The following PCED1B variants were observed in gnomAD, a reference collection of about 807,000 sequenced individuals.
PCED1B encodes the protein PC-esterase domain containing 1B.
For synonymous variants in PCED1B, 251 were observed against 246.1 expected, an observed-to-expected ratio of 1.02 and a Z score of -0.19; for missense variants, 573 against 573.9, an observed-to-expected ratio of 1.00 and a Z score of 0.02.
rs777395172 is a variant in PCED1B at position 47,235,503 on chromosome 12, T to G, written c.440T>G (p.Phe147Cys). ...TACCTGGAGAACCTGGAGAACCTGT[T>G]CCAGTGCCTGGGCCAGGTGCTGCCC... ...RSYLENLENL[F>C]QCLGQVLPES... is the part of the protein sequence containing the mutation. The change falls in exon 4 of 4, where the codon TTC becomes TGC. Residue 147 changes from phenylalanine (F) to cysteine (C), a missense_variant. Phe to Cys is a radical substitution (Grantham distance 205). Transcript: ENST00000546455. 1 of 1,613,116 alleles carries G rather than the reference T, an allele frequency of 6.2e-7. No individual in the cohort carries two copies. Among genetic ancestry groups the G allele is most frequent in the Non-Finnish European group, 8.5e-7 (1 of 1,179,388 alleles).
intron 2 of PCED1B, among the ~76,000 whole-genome samples, chr12:47,161,397 GT>G (rs1171565658): frequency 6.6e-6 from 1 of 152,148 alleles, no homozygotes; most frequent in East Asian, 1.9e-4. Flanking sequence ...GTGAGGGTAT[GT>G]TTCTGGGCTC....
rs1400328010 is a variant in PCED1B at position 47,178,846 on chromosome 12, G to A, written c.-525-37376G>A. ...CACGCCACTGCACTCCAGCCTGGGC[G>A]ACAGAGTGAGACTCCATCTCAAAAA... On this transcript the variant is annotated intron_variant, in intron 2 of 3. Coordinates refer to ENST00000546455, the MANE Select transcript of PCED1B (RefSeq NM_138371.3). Among the ~76,000 whole-genome samples, 6 of 132,844 alleles carry A rather than the reference G, an allele frequency of 4.5e-5. No individual in the cohort carries two copies. In the East Asian group the frequency reaches 1.4e-3, roughly 31 times the overall value. 87.2% of individuals were successfully genotyped at this position (132,844 alleles called of 152,430 possible). A position where few individuals can be genotyped will look rare whatever the true frequency, so the allele number is the denominator to read the frequency against.
At chr12:47,148,644 G>T (rs1338862571) in intron 2 of PCED1B, among the ~76,000 whole-genome samples, 1 of 152,186 alleles carries the variant, frequency 6.6e-6, no homozygotes, top group East Asian at 1.9e-4. Context: ...AAGGCCCAGA[G>T]AGCCATGTTT....
At chr12:47,214,449 C>T (rs1374478794) in intron 2 of PCED1B, among the ~76,000 whole-genome samples, 1 of 152,038 alleles carries the variant, frequency 6.6e-6, no homozygotes, top group Non-Finnish European at 1.5e-5. Flanking sequence ...ATGGCTTCCT[C>T]CCTACTTCTA....
intron 2 of PCED1B, among the ~76,000 whole-genome samples, chr12:47,152,699 G>C (rs896558308): frequency 6.6e-6 from 1 of 152,178 alleles, no homozygotes. Flanking sequence ...GGGAGTCCGA[G>C]GCAGGTGGAT....
intron 1 of PCED1B, among the ~76,000 whole-genome samples, chr12:47,101,294 A>G (rs1326408671): frequency 6.6e-6 from 1 of 152,140 alleles, no homozygotes; most frequent in Non-Finnish European, 1.5e-5. Context: ...AGTGGGCAAG[A>G]GCACTGGTCC....
At chr12:47,163,343 A>G (rs1039309444) in intron 2 of PCED1B, among the ~76,000 whole-genome samples, 84 of 152,350 alleles carry the variant, frequency 5.5e-4, no homozygotes, top group African/African-American at 1.6e-3. Context: ...ATATAAGATT[A>G]TATCATCTGT....
intron 2 of PCED1B, among the ~76,000 whole-genome samples, chr12:47,160,293 C>CTTTTTTTTTTTTTTTTTTTTTTTTTTG (rs59856338): frequency 1.4e-5 from 1 of 69,228 alleles, no homozygotes. Context: ...TTTTCTTTTT[C>CTTTTTTTTTTTTTTTTTTTTTTTTTTG]TTTTTTTTTT....
In PCED1B at chr12:47,234,480, C is replaced by T. The variant is rs533254815; in HGVS notation, c.-57-527C>T. ...TTTACATATTTCCTTTCAATGTTAT[C>T]TATGCATATCTCTTTTATATAGTTT... On this transcript the variant is annotated intron_variant, in intron 3 of 3. Coordinates refer to ENST00000546455, the MANE Select transcript of PCED1B (RefSeq NM_138371.3). Among the ~76,000 whole-genome samples the T allele has an allele frequency of 8.5e-5, 13 of 152,298 alleles. No individual in the cohort carries two copies. In the South Asian group the frequency reaches 2.7e-3, roughly 32 times the overall value.
At chr12:47,179,368 C>A (rs1942026372) in intron 2 of PCED1B, among the ~76,000 whole-genome samples, 1 of 152,188 alleles carries the variant, frequency 6.6e-6, no homozygotes, top group African/African-American at 2.4e-5. Flanking sequence ...TTTCATAAAG[C>A]TTTTCTATCA....
chr12:47,191,805 T>A (rs939329167), intron 2 of PCED1B, among the ~76,000 whole-genome samples: 2 of 141,636 alleles, frequency 1.4e-5, no homozygotes, highest in African/African-American at 2.5e-5. Context: ...TTTTGTTGTG[T>A]TGTGCTTTTT....
intron 2 of PCED1B, among the ~76,000 whole-genome samples, chr12:47,168,647 A>C (rs1025990192): frequency 6.6e-6 from 1 of 152,196 alleles, no homozygotes; most frequent in Admixed American, 6.5e-5. Context: ...TTAAAGCTAC[A>C]AATATTCCTC....
At chr12:47,195,558 A>G (rs992423303) in intron 2 of PCED1B, among the ~76,000 whole-genome samples, 1 of 152,164 alleles carries the variant, frequency 6.6e-6, no homozygotes, top group African/African-American at 2.4e-5. Flanking sequence ...TACCCAAAAA[A>G]AAACCCCACC....
At chr12:47,191,496 G>A (rs1345937493) in intron 2 of PCED1B, among the ~76,000 whole-genome samples, 1 of 152,156 alleles carries the variant, frequency 6.6e-6, no homozygotes, top group Non-Finnish European at 1.5e-5. Flanking sequence ...ACGTTCACAT[G>A]TTCACAACCC....
At chr12:47,109,186 C>CTTGA (rs1458501397) in intron 2 of PCED1B, among the ~76,000 whole-genome samples, 1 of 152,066 alleles carries the variant, frequency 6.6e-6, no homozygotes, top group Admixed American at 6.6e-5. Flanking sequence ...CAAGAAGATT[C>CTTGA]AAGTACTAGA....
chr12:47,172,070 C>G (rs1480284624), intron 2 of PCED1B, among the ~76,000 whole-genome samples: 2 of 152,008 alleles, frequency 1.3e-5, no homozygotes, highest in Non-Finnish European at 2.9e-5. Flanking sequence ...AATACATTTC[C>G]ATCTGCTGAC....
At chr12:47,094,983 T>C (rs1938424621) in intron 1 of PCED1B, among the ~76,000 whole-genome samples, 1 of 150,964 alleles carries the variant, frequency 6.6e-6, no homozygotes, top group Non-Finnish European at 1.5e-5. Context: ...CATGGCTCAC[T>C]GCGGCCTCAA....
chr12:47,125,869 T>G (rs570542436), intron 2 of PCED1B, among the ~76,000 whole-genome samples: 34 of 152,232 alleles, frequency 2.2e-4, no homozygotes, highest in African/African-American at 7.5e-4. Flanking sequence ...ACAATTTTGC[T>G]TAACTCATTT....
chr12:47,117,259 A>G (rs575166963), intron 2 of PCED1B, among the ~76,000 whole-genome samples: 3 of 152,252 alleles, frequency 2.0e-5, no homozygotes, highest in African/African-American at 7.2e-5. Context: ...CAGGTTTGTT[A>G]CATATGTATA....
Sources: gnomAD v4.1 joint callset for allele counts (sites outside exome capture counted in the v4.1 genomes callset) on GRCh38, gnomAD v4.1.1 for gene constraint, MANE v1.5 for transcripts, NCBI Gene and HGNC (gene_info 2026-07-23, HGNC 2026-07-21) for gene names.